The following PRMT8 variants were observed in gnomAD, a reference collection of about 807,000 sequenced individuals.
PRMT8 encodes the protein protein arginine N-methyltransferase 8.
PRMT8 carries 7 observed loss-of-function variants against 47.1 expected under a neutral mutation model. The observed-to-expected ratio is 0.15, with a 90% confidence interval of 0.08 to 0.28. The LOEUF is 0.28. PRMT8 is among the 10% of genes least tolerant of loss of function. The pLI is 1.00. For missense variants in PRMT8, 237 were observed against 505.4 expected, an observed-to-expected ratio of 0.47 and a Z score of 5.09; for synonymous variants, 188 against 186.5, an observed-to-expected ratio of 1.01 and a Z score of -0.07.
At chr12:3,582,949 C>T in intron 7 of PRMT8, 109 bp from the exon 8 acceptor site, 1 of 1,308,254 alleles carries the variant, frequency 7.6e-7, no homozygotes, top group East Asian at 2.4e-5. Context: ...TAAAGATATC[C>T]CTCAGAGAGC....
intron 4 of PRMT8, among the ~76,000 whole-genome samples, chr12:3,568,103 G>C (rs561290262): frequency 6.6e-6 from 1 of 152,018 alleles, no homozygotes; most frequent in Admixed American, 6.5e-5. Flanking sequence ...CACATATCTG[G>C]TATATGTATT....
intron 1 of PRMT8, among the ~76,000 whole-genome samples, chr12:3,497,777 CTCT>C (rs1159294711): frequency 1.3e-5 from 2 of 152,182 alleles, no homozygotes; most frequent in Non-Finnish European, 2.9e-5. Context: ...AAGTAAAGAT[CTCT>C]TTTTAAAGTG....
intron 1 of PRMT8, among the ~76,000 whole-genome samples, chr12:3,539,347 G>A (rs1185421072): frequency 6.6e-6 from 1 of 152,154 alleles, no homozygotes; most frequent in Admixed American, 6.5e-5. Context: ...GCCAACAAGC[G>A]CTGGGTTTCA....
At chr12:3,470,987 C>G (rs1183496300) in intron 1 of PRMT8, among the ~76,000 whole-genome samples, 1 of 152,150 alleles carries the variant, frequency 6.6e-6, no homozygotes, top group Non-Finnish European at 1.5e-5. Context: ...CCATCCTGGG[C>G]GGAAGCTGGG....
intron 1 of PRMT8, among the ~76,000 whole-genome samples, chr12:3,389,882 G>C (rs973656785): frequency 5.3e-5 from 8 of 152,228 alleles, no homozygotes; most frequent in African/African-American, 1.9e-4. Flanking sequence ...TGAGTTTGGG[G>C]GGATTCTAAA....
intron 1 of PRMT8, among the ~76,000 whole-genome samples, chr12:3,414,242 G>A (rs1309731915): frequency 3.3e-5 from 5 of 152,212 alleles, no homozygotes; most frequent in African/African-American, 9.6e-5. Flanking sequence ...GTGATAATAT[G>A]GGAATAACAA....
At chr12:3,466,688 C>T (rs551142843) in intron 1 of PRMT8, among the ~76,000 whole-genome samples, 1 of 152,208 alleles carries the variant, frequency 6.6e-6, no homozygotes, top group African/African-American at 2.4e-5. Flanking sequence ...TTGTTTTGGA[C>T]AATAGCTTGG....
chr12:3,557,228 C>G lies in PRMT8; in HGVS notation c.481+3514C>G, dbSNP rs1866543014. ...CCATCCTTGCTGTTGTGTGATCTTT[C>G]TCTTACCACTCTCAGGAGCTCGAGT... On this transcript the variant is annotated intron_variant, in intron 4 of 9. Transcript: ENST00000382622. This position sits in a 1 kb window ranked among gnomAD's most constrained non-coding sequence, Gnocchi z 4.7. Among the ~76,000 whole-genome samples, 1 of 152,140 alleles carries G rather than the reference C, an allele frequency of 6.6e-6. No homozygotes were observed.
rs80136681 is a variant in PRMT8 at position 3,520,083 on chromosome 12, C to G, written c.76-20523C>G. 6.9e-3 allele frequency among the ~76,000 whole-genome samples: 1,045 copies of G among 152,214 alleles called. 8 individuals are homozygous for G. The highest frequency in any genetic ancestry group is 0.023 in the African/African-American group (960 of 41,530). On this transcript the variant is annotated intron_variant, in intron 1 of 9. Transcript: ENST00000382622. ...TGGGTTGTATGAAAGTTTCCCAGAG[C>G]CAGGCTGGGCCAGGGGAGGATCCTT...
intron 1 of PRMT8, among the ~76,000 whole-genome samples, chr12:3,510,927 A>C (rs761779845): frequency 3.3e-5 from 5 of 152,164 alleles, no homozygotes; most frequent in Non-Finnish European, 7.4e-5. Flanking sequence ...AGCTGATACC[A>C]AGTAACATAG....
chr12:3,579,673 A>C (rs749112274), intron 7 of PRMT8, among the ~76,000 whole-genome samples: 1 of 152,146 alleles, frequency 6.6e-6, no homozygotes, highest in Non-Finnish European at 1.5e-5. Context: ...CATCTTGCCG[A>C]GCCTGTTGGG....
Position 3,409,963 on chromosome 12 carries a change from C to T in PRMT8, c.48+28521C>T, listed in dbSNP as rs1429188131. Among the ~76,000 whole-genome samples, 1 of 152,200 alleles carries T rather than the reference C, an allele frequency of 6.6e-6. No individual in the cohort carries two copies. The highest frequency in any genetic ancestry group is 2.1e-4 in the South Asian group (1 of 4,830). On this transcript the variant is annotated intron_variant, in intron 1 of 9. Transcript: ENST00000452611. The surrounding 1 kb of genome is among the most constrained non-coding windows in gnomAD (Gnocchi z 4.4). ...GCAGGGTGTAGCAGCAACTGGGAGG[C>T]GTGGATGGAGTGGCTCTGGCCCTCT...
chr12:3,462,049 C>T (rs1167074210), intron 1 of PRMT8, among the ~76,000 whole-genome samples: 1 of 152,028 alleles, frequency 6.6e-6, no homozygotes, highest in Non-Finnish European at 1.5e-5. Context: ...CTCCCAACCT[C>T]CATTCTCCGA....
In PRMT8 at chr12:3,491,216, G is replaced by T. The variant is rs1444808835; in HGVS notation, c.-410G>T. 2 of 999,964 alleles carry T rather than the reference G, an allele frequency of 2.0e-6. No individual in the cohort carries two copies. The highest frequency in any genetic ancestry group is 2.4e-6 in the Non-Finnish European group (2 of 839,566). The allele number at this position is 999,964 out of a possible 1,614,324, so 61.9% of individuals were successfully genotyped here. The stretch of plus-strand genomic sequence containing the variant: ...AGGAAGCGTGTTGCTTCGCCCAGCG[G>T]ATCGGCAGAAGTTGAGAGGAGTTGG... On this transcript the variant is annotated 5_prime_UTR_variant, in exon 1 of 10. Transcript: ENST00000382622.
At position 3,393,577 on chromosome 12, in the gene PRMT8, C is replaced by T. The variant is rs566687439; in HGVS notation, c.48+12135C>T. On this transcript the variant is annotated intron_variant, in intron 1 of 9. Transcript: ENST00000452611. The stretch of plus-strand genomic sequence containing the variant: ...TGTTCTGTTCCATTGGTCTATATCT[C>T]TGTTTTGGTACCAGTACCATGCTGT... 2.6e-5 allele frequency among the ~76,000 whole-genome samples: 4 copies of T among 152,104 alleles called. No homozygotes were observed. The South Asian group carries it at 8.3e-4, about 32-fold the overall frequency.
intron 1 of PRMT8, among the ~76,000 whole-genome samples, chr12:3,387,422 C>A (rs961487666): frequency 6.6e-6 from 1 of 152,140 alleles, no homozygotes; most frequent in Non-Finnish European, 1.5e-5. Flanking sequence ...CTCAGCATCC[C>A]TTTTTTCTTG....
intron 1 of PRMT8, among the ~76,000 whole-genome samples, chr12:3,389,963 C>A (rs943832826): frequency 6.6e-6 from 1 of 152,258 alleles, no homozygotes; most frequent in African/African-American, 2.4e-5. Flanking sequence ...CCGCTGCAGG[C>A]CCTTAGGAGC....
chr12:3,509,865 A>C (rs181311205), intron 1 of PRMT8, among the ~76,000 whole-genome samples: 3 of 152,334 alleles, frequency 2.0e-5, no homozygotes, highest in Admixed American at 1.3e-4. Flanking sequence ...GTTTTTAATC[A>C]ATGCAAACTG....
chr12:3,546,519 C>A (rs142949743), intron 2 of PRMT8, among the ~76,000 whole-genome samples: 1 of 152,110 alleles, frequency 6.6e-6, no homozygotes, highest in Non-Finnish European at 1.5e-5. Flanking sequence ...CACACAGATA[C>A]TCAACAGGCA....
Sources: allele counts gnomAD v4.1 joint callset (sites outside exome capture counted in the v4.1 genomes callset), GRCh38; gene constraint gnomAD v4.1.1; non-coding constraint Gnocchi (gnomAD v3.1); transcripts MANE v1.5; gene names NCBI Gene and HGNC (gene_info 2026-07-23, HGNC 2026-07-21).